RAB33A: variants seen among roughly 807,000 people sequenced by gnomAD.
RAB33A encodes the protein RAB33A, member RAS oncogene family, also known as ras-related protein Rab-33A.
A neutral mutation model predicts 12.0 loss-of-function variants in RAB33A; 6 were observed. That is an observed-to-expected ratio of 0.50 (90% confidence interval 0.27 to 0.99). RAB33A has a LOEUF of 0.99. Ranked by LOEUF, RAB33A falls within the 50% of genes least tolerant of loss-of-function variation. The probability of loss-of-function intolerance (pLI) is 0.11; values close to 1 mark genes in which losing one functional copy is unlikely to be tolerated. For missense variants in RAB33A, 109 were observed against 192.0 expected, an observed-to-expected ratio of 0.57 and a Z score of 2.55; for synonymous variants, 70 against 82.4, an observed-to-expected ratio of 0.85 and a Z score of 0.81.
chrX:130,174,888 G>A (rs1197362716), intron 1 of RAB33A, among the ~76,000 whole-genome samples: 1 of 110,637 alleles, frequency 9.0e-6, no homozygotes, highest in Non-Finnish European at 1.9e-5. Flanking sequence ...AGCCCCATTT[G>A]CTGTCTCCAA....
the RAB33A span, among the ~76,000 whole-genome samples, chrX:130,151,035 C>G: frequency 0.013 from 1,418 of 107,407 alleles, 15 homozygotes; most frequent in Non-Finnish European, 0.019. Context: ...TTTTGTACCC[C>G]ACAGGGTCAA....
the RAB33A span, among the ~76,000 whole-genome samples, chrX:130,112,632 C>A: frequency 2.7e-5 from 3 of 111,674 alleles, no homozygotes; most frequent in Admixed American, 1.9e-4. Context: ...TTTGGGATGC[C>A]GAGCGGGGTG....
At chrX:130,125,214 G>T in the RAB33A span, among the ~76,000 whole-genome samples, 1 of 111,670 alleles carries the variant, frequency 9.0e-6, no homozygotes, top group Non-Finnish European at 1.9e-5. Flanking sequence ...GACGCCAGAG[G>T]CTGCTTTTCT....
chrX:130,157,670 C>T, the RAB33A span, among the ~76,000 whole-genome samples: 1 of 110,784 alleles, frequency 9.0e-6, no homozygotes, highest in African/African-American at 3.3e-5. Flanking sequence ...TTTTTTCAGC[C>T]GTTTAAAAAA....
At chrX:130,167,943 C>T (rs1350901536), upstream of RAB33A, among the ~76,000 whole-genome samples, 1 of 107,645 alleles carries the variant, frequency 9.3e-6, no homozygotes, top group South Asian at 4.0e-4. Flanking sequence ...TTTGGGAGGA[C>T]GAGTGGGAAG....
the RAB33A span, among the ~76,000 whole-genome samples, chrX:130,133,740 G>A: frequency 1.8e-3 from 194 of 109,005 alleles, 1 homozygote; most frequent in African/African-American, 6.0e-3. Context: ...TGATCCTCCC[G>A]CCTCAGCCTC....
chrX:130,162,382 T>A, the RAB33A span, among the ~76,000 whole-genome samples: 9 of 111,924 alleles, frequency 8.0e-5, no homozygotes, highest in African/African-American at 2.6e-4. Flanking sequence ...AAAATACAGA[T>A]TCCCAGAATT....
At chrX:130,155,440 G>A in the RAB33A span, among the ~76,000 whole-genome samples, 1 of 112,564 alleles carries the variant, frequency 8.9e-6, no homozygotes, top group Non-Finnish European at 1.9e-5. Flanking sequence ...ATTGCAGAAT[G>A]TGTATTTCAT....
the RAB33A span, chrX:130,138,075 A>C: frequency 1.7e-5 from 2 of 117,818 alleles, no homozygotes; most frequent in East Asian, 5.3e-4. Flanking sequence ...AAAAAAAAAA[A>C]AAAAAGCATC....
the RAB33A span, chrX:130,165,852 G>A: frequency 6.2e-6 from 3 of 480,575 alleles, no homozygotes; most frequent in Non-Finnish European, 1.1e-5. Flanking sequence ...GGCGACCGGA[G>A]GCCTACTGCG....
chrX:130,138,658 T>C, the RAB33A span: 2 of 1,210,601 alleles, frequency 1.7e-6, no homozygotes, highest in Non-Finnish European at 1.1e-6. Flanking sequence ...CGTAATTGAT[T>C]TGACTTCCCG....
At chrX:130,135,076 A>G in the RAB33A span, among the ~76,000 whole-genome samples, 2 of 107,502 alleles carry the variant, frequency 1.9e-5, no homozygotes, top group Non-Finnish European at 3.8e-5. Context: ...CATTGACCAC[A>G]TATTACTTTT....
chrX:130,121,561 C>T, the RAB33A span, among the ~76,000 whole-genome samples: 3 of 112,448 alleles, frequency 2.7e-5, no homozygotes, highest in Non-Finnish European at 1.9e-5. Context: ...TTCCTCCCGT[C>T]CCGACAGGCG....
At chrX:130,123,277 G>A in the RAB33A span, among the ~76,000 whole-genome samples, 1 of 112,564 alleles carries the variant, frequency 8.9e-6, no homozygotes, top group Non-Finnish European at 1.9e-5. Context: ...CATCCAGGCA[G>A]TGAGCGGCAG....
rs1249914241 is a variant in RAB33A, at chrX:130,172,221, C to T, written c.159C>T (p.Thr53=). 3 of 1,210,880 alleles carry T rather than the reference C, an allele frequency of 2.5e-6. No homozygotes were observed. Among genetic ancestry groups the T allele is most frequent in the Non-Finnish European group, 3.4e-6 (3 of 895,349 alleles). Residue 53 remains threonine (T), a synonymous_variant, in exon 1 of 2, where the codon ACC becomes ACT. Transcript: ENST00000257017. ...CCAACGTGGGCAAGACCTGCCTGAC[C>T]TTCCGCTTCTGCGGGGGTACCTTCC... ...GDSNVGKTCL[T]FRFCGGTFPD...
the RAB33A span, among the ~76,000 whole-genome samples, chrX:130,159,056 C>T: frequency 9.0e-6 from 1 of 111,536 alleles, no homozygotes; most frequent in Non-Finnish European, 1.9e-5. Context: ...GGGCATATAC[C>T]ACATAGTGAC....
the RAB33A span, chrX:130,149,383 G>A: frequency 5.3e-6 from 4 of 760,138 alleles, no homozygotes; most frequent in South Asian, 8.3e-5. Flanking sequence ...GCTTCTACAA[G>A]ACATCCATAA....
the RAB33A span, among the ~76,000 whole-genome samples, chrX:130,116,550 C>A: frequency 1.8e-5 from 2 of 112,026 alleles, no homozygotes; most frequent in African/African-American, 6.5e-5. Flanking sequence ...CCTCGGCCTC[C>A]CAAAGTGCTG....
chrX:130,138,978 G>C, the RAB33A span, among the ~76,000 whole-genome samples: 1 of 111,077 alleles, frequency 9.0e-6, no homozygotes, highest in Non-Finnish European at 1.9e-5. Flanking sequence ...AGGGCAAGTA[G>C]GTGCTCCCAG....
Sources: gnomAD v4.1 joint callset for allele counts (sites outside exome capture counted in the v4.1 genomes callset) on GRCh38, gnomAD v4.1.1 for gene constraint, MANE v1.5 for transcripts, NCBI Gene and HGNC (gene_info 2026-07-23, HGNC 2026-07-21) for gene names.